GABBR2: variants seen among roughly 807,000 people sequenced by gnomAD.
GABBR2 encodes gamma-aminobutyric acid type B receptor subunit 2, also known as G-protein coupled receptor 51.
Under a neutral mutation model 105.6 loss-of-function variants are expected in GABBR2, and 23 were observed. The ratio of observed to expected loss-of-function variants is 0.22; its 90% confidence interval spans 0.16 to 0.31. The LOEUF (loss-of-function observed/expected upper bound fraction) is 0.31, where lower values mean the gene tolerates loss of function less well. GABBR2 is among the 10% of genes least tolerant of loss of function. The probability of loss-of-function intolerance (pLI) is 1.00; values close to 1 mark genes in which losing one functional copy is unlikely to be tolerated. For synonymous variants in GABBR2, 478 were observed against 499.7 expected (o/e 0.96, Z 0.58); for missense variants, 734 against 1,245.5 (o/e 0.59, Z 6.18).
intron 2 of GABBR2, among the ~76,000 whole-genome samples, chr9:98,564,198 G>A (rs1828719217): frequency 6.6e-6 from 1 of 152,110 alleles, no homozygotes; most frequent in African/African-American, 2.4e-5. Flanking sequence ...GAAGTTCCTC[G>A]CCAACACAGC....
chr9:98,565,026 CTT>C (rs1169231719), intron 2 of GABBR2, among the ~76,000 whole-genome samples: 4 of 152,272 alleles, frequency 2.6e-5, no homozygotes, highest in African/African-American at 9.6e-5. Context: ...GGCAACAGCT[CTT>C]GAGCTGTGGG....
Position 98,571,685 on chromosome 9 carries a change from C to A in GABBR2, c.459+6250G>T, listed in dbSNP as rs148593940. On this transcript the variant is annotated intron_variant, in intron 2 of 18. Transcript: ENST00000259455. ...TGGAGAGCCACTGACCTGGTCTATGCCTACTCTGTGTATTAAATTTCCCCA... is the reference window on the plus strand; with the variant it reads ...TGGAGAGCCACTGACCTGGTCTATGACTACTCTGTGTATTAAATTTCCCCA... Among the ~76,000 whole-genome samples the A allele has an allele frequency of 2.5e-3, 377 of 152,312 alleles. 5 individuals carry two copies. The highest frequency in any genetic ancestry group is 3.1e-3 in the Non-Finnish European group (214 of 68,026).
chr9:98,548,542 G>A lies in GABBR2; in HGVS notation c.460-6499C>T. Among the ~76,000 whole-genome samples the A allele has an allele frequency of 1.7e-5, 2 of 114,924 alleles. 1 individual carries two copies. Among genetic ancestry groups the A allele is most frequent in the African/African-American group, 5.5e-5 (2 of 36,322 alleles). The allele number at this position is 114,924 out of a possible 152,430, so 75.4% of individuals were successfully genotyped here. ...GTGCTCCCCTCCTCTTCTCATCCAG[G>A]TTTTTTTTCCCCCTAGGAATGTATA... is the stretch of plus-strand genomic sequence containing the variant. On this transcript the variant is annotated intron_variant, in intron 2 of 18. Transcript: ENST00000259455.
chr9:98,380,357 G>A (rs569434279), intron 11 of GABBR2, among the ~76,000 whole-genome samples: 1 of 152,358 alleles, frequency 6.6e-6, no homozygotes, highest in Admixed American at 6.5e-5. Flanking sequence ...TGTCTGCAAA[G>A]CCCCTTCTTA....
chr9:98,438,845 C>A (rs2131584408), intron 7 of GABBR2, among the ~76,000 whole-genome samples: 1 of 152,282 alleles, frequency 6.6e-6, no homozygotes, highest in African/African-American at 2.4e-5. Flanking sequence ...ACTACACAAG[C>A]TGGCCAAGAA....
At chr9:98,517,669 A>C (rs980120019) in intron 3 of GABBR2, among the ~76,000 whole-genome samples, 9 of 152,086 alleles carry the variant, frequency 5.9e-5, no homozygotes, top group African/African-American at 2.2e-4. Flanking sequence ...GGTTATTCCC[A>C]TTTGCTTTCA....
intron 2 of GABBR2, among the ~76,000 whole-genome samples, chr9:98,570,229 C>T (rs929521830): frequency 2.0e-5 from 3 of 152,294 alleles, no homozygotes; most frequent in Admixed American, 6.5e-5. Context: ...GTGGGGAGTG[C>T]CAAGGTGGGC....
In GABBR2 at chr9:98,414,629, C is replaced by T. The variant is rs1832654582; in HGVS notation, c.1237-8488G>A. On this transcript the variant is annotated intron_variant, in intron 7 of 18. Coordinates refer to ENST00000259455, the MANE Select transcript of GABBR2 (RefSeq NM_005458.8). ...AGAACAAGTGATATTCCAATTGTGCCAGTCGCTGGCTAGCTGTTGACCAAA... is the reference window on the plus strand; with the variant it reads ...AGAACAAGTGATATTCCAATTGTGCTAGTCGCTGGCTAGCTGTTGACCAAA... Among the ~76,000 whole-genome samples, 3 of 152,142 alleles carry T rather than the reference C, an allele frequency of 2.0e-5. No individual in the cohort carries two copies. In the South Asian group the frequency reaches 6.2e-4, roughly 32 times the overall value.
intron 7 of GABBR2, among the ~76,000 whole-genome samples, chr9:98,439,040 C>T (rs1825983435): frequency 6.6e-6 from 1 of 152,186 alleles, no homozygotes; most frequent in East Asian, 1.9e-4. Flanking sequence ...GTGTGCCACC[C>T]TCATGGTTTT....
rs561629971 is a variant in GABBR2 at position 98,309,294 on chromosome 9, A to G, written c.2004+1801T>C. Among the ~76,000 whole-genome samples, 4 of 152,362 alleles carry G rather than the reference A, an allele frequency of 2.6e-5. No individual in the cohort carries two copies. In the East Asian group the frequency reaches 7.7e-4, roughly 29 times the overall value. ...GTGGGAGAAGACAATGAATGATCAA[A>G]ACATTACAAATAAATCCAGTTTAAA... On this transcript the variant is annotated intron_variant, in intron 14 of 18. Coordinates refer to ENST00000259455, the MANE Select transcript of GABBR2 (RefSeq NM_005458.8).
rs959444955 is a variant in GABBR2 at position 98,289,776 on chromosome 9, G to A, written c.*808C>T. The A allele has an allele frequency of 2.0e-5, 3 of 152,716 alleles. No individual in the cohort carries two copies. The highest frequency in any genetic ancestry group is 1.9e-4 in the East Asian group (1 of 5,204). 9.5% of individuals were successfully genotyped at this position (152,716 alleles called of 1,614,324 possible). ...GTCCCCCTGGTTACTGGGAGCATCC[G>A]ATAGGAACACAAGGACATGGCCAAC... On this transcript the variant is annotated 3_prime_UTR_variant, in exon 19 of 19. Transcript: ENST00000259455.
chr9:98,350,343 A>G (rs1013936501), intron 13 of GABBR2, among the ~76,000 whole-genome samples: 4 of 151,610 alleles, frequency 2.6e-5, no homozygotes, highest in African/African-American at 9.7e-5. Flanking sequence ...GGTTATTTGA[A>G]ATTTCCCTAC....
At position 98,398,325 on chromosome 9, in the gene GABBR2, CA is replaced by C. The variant is rs199728307; in HGVS notation, c.1298-4071del. Among the ~76,000 whole-genome samples, 239 of 150,562 alleles carry C rather than the reference CA, an allele frequency of 1.6e-3. 2 individuals carry two copies. Among genetic ancestry groups the C allele is most frequent in the African/African-American group, 5.7e-3 (227 of 39,938 alleles). On this transcript the variant is annotated intron_variant, in intron 8 of 18. Coordinates refer to ENST00000259455, the MANE Select transcript of GABBR2 (RefSeq NM_005458.8). ...TATAAATGTACTCAATTCTAGGACCCACCCCCCAAACTCAGGCATAGAAAAG... is the reference window on the plus strand; with the variant it reads ...TATAAATGTACTCAATTCTAGGACCCCCCCCCAAACTCAGGCATAGAAAAG...
chr9:98,410,684 C>T (rs566080372), intron 7 of GABBR2, among the ~76,000 whole-genome samples: 1 of 152,038 alleles, frequency 6.6e-6, no homozygotes, highest in South Asian at 2.1e-4. Flanking sequence ...ACAGCAGCAG[C>T]AGGAGCCTCG....
At chr9:98,626,322 G>A (rs757557003) in intron 1 of GABBR2, among the ~76,000 whole-genome samples, 8 of 152,160 alleles carry the variant, frequency 5.3e-5, no homozygotes, top group Non-Finnish European at 1.0e-4. Flanking sequence ...AACAGATTGT[G>A]GTGATGGTTG....
Position 98,419,033 on chromosome 9 carries a change from T to C in GABBR2, c.1237-12892A>G, listed in dbSNP as rs182169148. ...TTGCTGACCAGCTGACCTGAAAGTC[T>C]GAGAGATGCAATTTGCAATCTGTTG... is the stretch of plus-strand genomic sequence containing the variant. On this transcript the variant is annotated intron_variant, in intron 7 of 18. Coordinates refer to ENST00000259455, the MANE Select transcript of GABBR2 (RefSeq NM_005458.8). 2.3e-3 allele frequency among the ~76,000 whole-genome samples: 346 copies of C among 152,380 alleles called. 1 individual carries two copies. The highest frequency in any genetic ancestry group is 8.0e-3 in the African/African-American group (333 of 41,588).
At chr9:98,403,293 CA>C (rs546167489) in intron 8 of GABBR2, among the ~76,000 whole-genome samples, 7,478 of 85,840 alleles carry the variant, frequency 0.087, 105 homozygotes, top group Middle Eastern at 0.17. Flanking sequence ...GACTCCGTCT[CA>C]AAAAAAAAAA....
intron 11 of GABBR2, among the ~76,000 whole-genome samples, chr9:98,380,361 C>T (rs1012545738): frequency 6.6e-6 from 1 of 152,254 alleles, no homozygotes; most frequent in African/African-American, 2.4e-5. Flanking sequence ...TGCAAAGCCC[C>T]TTCTTACTCC....
chr9:98,615,166 C>A (rs1442724923), intron 1 of GABBR2, among the ~76,000 whole-genome samples: 2 of 152,202 alleles, frequency 1.3e-5, no homozygotes, highest in Non-Finnish European at 2.9e-5. Flanking sequence ...TGCCACCCAA[C>A]TCACCCCTGA....
Sources: gnomAD v4.1 joint callset for allele counts (sites outside exome capture counted in the v4.1 genomes callset) on GRCh38, gnomAD v4.1.1 for gene constraint, MANE v1.5 for transcripts, NCBI Gene and HGNC (gene_info 2026-07-23, HGNC 2026-07-21) for gene names.